The following UBA6 variants were observed in gnomAD, a reference collection of about 807,000 sequenced individuals.
UBA6 encodes ubiquitin-like modifier-activating enzyme 6.
UBA6 carries 87 observed loss-of-function variants against 148.3 expected under a neutral mutation model. The observed-to-expected ratio is 0.59, with a 90% CI of 0.49 to 0.70. The LOEUF is 0.70. Ranked by LOEUF, UBA6 falls within the 30% of genes least tolerant of loss-of-function variation. The pLI is 0.00. For missense variants in UBA6, 1,186 were observed against 1,241.2 expected (o/e 0.96, Z 0.67); for synonymous variants, 376 against 401.0 (o/e 0.94, Z 0.75).
chr4:67,668,768 A>G (rs1182324790), intron 8 of UBA6, 94 bp from the exon 9 acceptor site: 8 of 1,253,862 alleles, frequency 6.4e-6, no homozygotes, highest in African/African-American at 1.5e-5. Context: ...AAGTTACCAT[A>G]AAATTCTCAA....
intron 19 of UBA6, among the ~76,000 whole-genome samples, chr4:67,637,267 G>T (rs1577798532): frequency 1.3e-5 from 2 of 151,072 alleles, no homozygotes; most frequent in Middle Eastern, 3.4e-3. Context: ...CCTGGAGGGA[G>T]GTGGAGGGCA....
At chr4:67,652,026 T>TA in intron 13 of UBA6, among the ~76,000 whole-genome samples, 1 of 152,168 alleles carries the variant, frequency 6.6e-6, no homozygotes, top group Admixed American at 6.5e-5. Context: ...CTTTGCACCA[T>TA]ATGCAAAAAT....
chr4:67,624,037 AAG>A, intron 30 of UBA6, 87 bp downstream of exon 30: 1 of 1,162,918 alleles, frequency 8.6e-7, no homozygotes, highest in South Asian at 1.9e-5. Flanking sequence ...TAGAAGAAAA[AAG>A]AGGTGAAGCT....
Position 67,631,756 on chromosome 4 carries a change from G to T in UBA6, c.2210C>A (p.Ser737Ter). 1.9e-6 allele frequency: 3 copies of T among 1,611,618 alleles called. No homozygotes were observed. The South Asian group carries it at 3.3e-5, about 18-fold the overall frequency. Residue 737 changes from serine (S) to a stop codon, truncating the protein, a stop_gained, in exon 25 of 33, where the codon TCA (serine) becomes TAA (stop). Coordinates refer to ENST00000322244, the MANE Select transcript of UBA6 (RefSeq NM_018227.6). LOFTEE classifies it high-confidence loss of function. ...TATTGGAGAGGGTGGCCTCTTTGGT[G>T]ACTGCCAAAATAAACCTGGCAAAAA... ...RLKDGSLFWQ[S>*]PKRPPSPIKF...
chr4:67,648,919 T>G (rs1024645439), intron 14 of UBA6, 149 bp downstream of exon 14: 3 of 763,286 alleles, frequency 3.9e-6, no homozygotes, highest in Non-Finnish European at 6.0e-6. Flanking sequence ...AATCATAGAA[T>G]CAAGTGTTGG....
Position 67,644,688 on chromosome 4 carries a change from G to A in UBA6, c.1476+10C>T, listed in dbSNP as rs766622881. ...TATAAACTTTTAACTCTCAAGAATT[G>A]ATATCTTACCATTCCTTTCTCTTTG... On this transcript the variant is annotated intron_variant, in intron 17 of 32. Transcript: ENST00000322244. The A allele has an allele frequency of 6.6e-7, 1 of 1,516,842 alleles. No individual in the cohort carries two copies. The allele number at this position is 1,516,842 out of a possible 1,614,324, so 94.0% of individuals were successfully genotyped here. A position where few individuals can be genotyped will look rare whatever the true frequency, so the allele number is the denominator to read the frequency against.
chr4:67,662,573 T>C (rs796072451), intron 12 of UBA6: 5 of 228,892 alleles, frequency 2.2e-5, no homozygotes, highest in African/African-American at 9.0e-5. Flanking sequence ...AAGCGATTCT[T>C]GTGCCTCAGC....
At chr4:67,642,158 C>T (rs1729322764) in intron 17 of UBA6, among the ~76,000 whole-genome samples, 1 of 151,962 alleles carries the variant, frequency 6.6e-6, no homozygotes, top group Non-Finnish European at 1.5e-5. Flanking sequence ...CTTTCTACCT[C>T]CTCCAATTCT....
intron 2 of UBA6, among the ~76,000 whole-genome samples, chr4:67,685,234 ATTT>A (rs1286062293): frequency 6.6e-6 from 1 of 152,056 alleles, no homozygotes; most frequent in African/African-American, 2.4e-5. Flanking sequence ...TTATTTCTTG[ATTT>A]TTTGAGTTTT....
Position 67,633,332 on chromosome 4 carries a change from A to T in UBA6, c.2142+13T>A. ...ATCAGACCTTTTCTTAATGTCTCACAATGCATACTTACCTTATGGTTAAAA... is the reference window on the plus strand; with the variant it reads ...ATCAGACCTTTTCTTAATGTCTCACTATGCATACTTACCTTATGGTTAAAA... On this transcript the variant is annotated intron_variant, in intron 23 of 32. Transcript: ENST00000322244. 7 of 1,574,610 alleles carry T rather than the reference A, an allele frequency of 4.4e-6. No homozygotes were observed. The highest frequency in any genetic ancestry group is 6.0e-6 in the Non-Finnish European group (7 of 1,167,802).
At chr4:67,668,696 T>G in intron 8 of UBA6, 22 bp from the exon 9 acceptor site, 1 of 1,593,942 alleles carries the variant, frequency 6.3e-7, no homozygotes, top group Non-Finnish European at 8.5e-7. Context: ...AGTAATCTAT[T>G]AAAAAAGAAC....
At chr4:67,633,066 TG>T (rs1233883440) in intron 23 of UBA6, among the ~76,000 whole-genome samples, 1 of 152,104 alleles carries the variant, frequency 6.6e-6, no homozygotes, top group Non-Finnish European at 1.5e-5. Context: ...ATTTTACAGA[TG>T]GGGAAACAGA....
At chr4:67,645,060 A>C (rs895659411) in intron 16 of UBA6, among the ~76,000 whole-genome samples, 2 of 152,202 alleles carry the variant, frequency 1.3e-5, no homozygotes, top group Non-Finnish European at 2.9e-5. Context: ...GACATTTCTC[A>C]AAACTCATTT....
chr4:67,628,130 G>C (rs576375616), intron 27 of UBA6, among the ~76,000 whole-genome samples: 24 of 151,732 alleles, frequency 1.6e-4, no homozygotes, highest in Middle Eastern at 3.4e-3. Context: ...CTTCAGTATT[G>C]TCTTGCGTTT....
intron 18 of UBA6, 69 bp from the exon 19 acceptor site, chr4:67,639,193 T>A (rs1307446143): frequency 1.6e-6 from 2 of 1,227,828 alleles, no homozygotes; most frequent in Non-Finnish European, 2.3e-6. Context: ...TTTCTATATA[T>A]TCCAGAGTGA....
intron 19 of UBA6, among the ~76,000 whole-genome samples, chr4:67,637,057 G>T (rs1159910234): frequency 6.7e-6 from 1 of 148,740 alleles, no homozygotes; most frequent in African/African-American, 2.5e-5. Context: ...CTGTCTGGGA[G>T]GTGAGGAGCG....
At chr4:67,675,641 G>C (rs908526487) in intron 6 of UBA6, among the ~76,000 whole-genome samples, 4 of 152,060 alleles carry the variant, frequency 2.6e-5, no homozygotes, top group Admixed American at 2.0e-4. Context: ...TGAAGTAGGA[G>C]AATCACTTGA....
chr4:67,633,194 G>T, intron 23 of UBA6, 151 bp downstream of exon 23: 2 of 567,490 alleles, frequency 3.5e-6, no homozygotes, highest in African/African-American at 1.9e-5. Flanking sequence ...ACTTCTTTTA[G>T]ATTAGCATGT....
Position 67,617,079 on chromosome 4 carries a change from AT to A in UBA6, c.*1917del, listed in dbSNP as rs1017155534. The A allele has an allele frequency of 2.0e-5, 3 of 152,096 alleles. No homozygotes were observed. The highest frequency in any genetic ancestry group is 2.9e-5 in the Non-Finnish European group (2 of 67,942). The allele number at this position is 152,096 out of a possible 1,614,324, so 9.4% of individuals were successfully genotyped here. ...CACAAAATGAACTTAATTTTTGTTGATTTTGTTTTATCTGCTAAAACACTAA... is the reference window on the plus strand; with the variant it reads ...CACAAAATGAACTTAATTTTTGTTGATTTGTTTTATCTGCTAAAACACTAA... On this transcript the variant is annotated 3_prime_UTR_variant, in exon 33 of 33. Transcript: ENST00000322244.
Sources: allele counts gnomAD v4.1 joint callset (sites outside exome capture counted in the v4.1 genomes callset), GRCh38; gene constraint gnomAD v4.1.1; transcripts MANE v1.5; gene names NCBI Gene and HGNC (gene_info 2026-07-23, HGNC 2026-07-21).